Variants in FBN2 observed in about 807,000 individuals in gnomAD.
FBN2 encodes fibrillin-2.
In FBN2, 105 loss-of-function variants were observed where a neutral mutation model predicts 355.6. That is an observed-to-expected ratio of 0.30 (90% CI 0.25 to 0.35). The LOEUF (loss-of-function observed/expected upper bound fraction) is 0.35, where lower values mean the gene tolerates loss of function less well. Among genes scored for constraint, FBN2 ranks in the 10% least tolerant of loss-of-function variants. FBN2 has a pLI of 1.00. For synonymous variants in FBN2, 1,350 were observed against 1,301.2 expected, an observed-to-expected ratio of 1.04 and a Z score of -0.81; for missense variants, 3,280 against 3,758.7, an observed-to-expected ratio of 0.87 and a Z score of 3.33.
In FBN2 at chr5:128,334,792, C is replaced by CTCACA. The variant is rs1750791754; in HGVS notation, c.4021_4025dup (p.Glu1342AspfsTer19). 1 of 1,613,198 alleles carries CTCACA rather than the reference C, an allele frequency of 6.2e-7. No homozygotes were observed. Among genetic ancestry groups the CTCACA allele is most frequent in the Non-Finnish European group, 8.5e-7 (1 of 1,179,222 alleles). On this transcript the variant is annotated frameshift_variant, in exon 31 of 65. Coordinates refer to ENST00000262464, the MANE Select transcript of FBN2 (RefSeq NM_001999.4). LOFTEE classifies it high-confidence loss of function. Reference sequence around the variant, plus strand: ...GGCAAATGAAGGATCCCTTTGTGTTCTCACATTCCCCAAACATGCAGATAT... The same window carrying CTCACA: ...GGCAAATGAAGGATCCCTTTGTGTTCTCACATCACATTCCCCAAACATGCAGATAT...
rs114416488 is a variant in FBN2 at position 128,350,689 on chromosome 5, C to T, written c.2812+179G>A. On this transcript the variant is annotated intron_variant, in intron 21 of 64. Coordinates refer to ENST00000262464, the MANE Select transcript of FBN2 (RefSeq NM_001999.4). ...ATATTTAGAAGGCCTGCTTATGTACCAGGATAAAACAAATACACATTTTAA... is the reference window on the plus strand; with the variant it reads ...ATATTTAGAAGGCCTGCTTATGTACTAGGATAAAACAAATACACATTTTAA... Among the ~76,000 whole-genome samples, 837 of 152,260 alleles carry T rather than the reference C, an allele frequency of 5.5e-3. 3 individuals carry two copies. The highest frequency in any genetic ancestry group is 8.0e-3 in the Non-Finnish European group (546 of 68,030).
At chr5:128,519,641 GA>G (rs1208503566) in intron 4 of FBN2, among the ~76,000 whole-genome samples, 1 of 151,194 alleles carries the variant, frequency 6.6e-6, no homozygotes, top group Non-Finnish European at 1.5e-5. Context: ...TTTTTAATCA[GA>G]ATCATATTCG....
At chr5:128,439,173 T>C (rs948560665) in intron 7 of FBN2, among the ~76,000 whole-genome samples, 1 of 152,088 alleles carries the variant, frequency 6.6e-6, no homozygotes, top group Non-Finnish European at 1.5e-5. Context: ...TATTTTGCTA[T>C]TACAAAAAAA....
chr5:128,282,958 T>C (rs1475081280), intron 55 of FBN2, among the ~76,000 whole-genome samples: 1 of 152,162 alleles, frequency 6.6e-6, no homozygotes. Flanking sequence ...CCGTCAACAA[T>C]CCTACTATAC....
intron 48 of FBN2, among the ~76,000 whole-genome samples, chr5:128,294,285 C>T (rs1244656165): frequency 1.3e-5 from 2 of 151,840 alleles, no homozygotes; most frequent in African/African-American, 2.4e-5. Flanking sequence ...GTGAATAATG[C>T]CGCAATAAAC....
Position 128,305,649 on chromosome 5 carries a change from C to T in FBN2, c.5549-13G>A, listed in dbSNP as rs1284522627. 1 of 1,613,896 alleles carries T rather than the reference C, an allele frequency of 6.2e-7. No homozygotes were observed. The highest frequency in any genetic ancestry group is 8.5e-7 in the Non-Finnish European group (1 of 1,179,834). Reference sequence around the variant, plus strand: ...CACTCATCTATATCTGAAAGAGCAACAATTCCATTTTAAAGAGTCCTTTTT... The same window carrying T: ...CACTCATCTATATCTGAAAGAGCAATAATTCCATTTTAAAGAGTCCTTTTT... On this transcript the variant is annotated splice_polypyrimidine_tract_variant and intron_variant, in intron 43 of 64. Transcript: ENST00000262464.
intron 62 of FBN2, among the ~76,000 whole-genome samples, chr5:128,268,741 A>G (rs915426955): frequency 2.0e-5 from 3 of 152,190 alleles, no homozygotes; most frequent in African/African-American, 7.2e-5. Context: ...CAATAAACAC[A>G]ATCCATCAAA....
chr5:128,349,568 C>T (rs1398067937), intron 22 of FBN2, 96 bp from the exon 23 acceptor site: 2 of 1,335,028 alleles, frequency 1.5e-6, no homozygotes, highest in African/African-American at 2.9e-5. Context: ...AATCCACATT[C>T]AATACAATGT....
chr5:128,410,904 C>A (rs1284870393), intron 7 of FBN2, among the ~76,000 whole-genome samples: 1 of 152,128 alleles, frequency 6.6e-6, no homozygotes, highest in Non-Finnish European at 1.5e-5. Flanking sequence ...GCTTTTAATT[C>A]ATTTTTGGGC....
chr5:128,458,701 G>A (rs148724790), intron 6 of FBN2, among the ~76,000 whole-genome samples: 1 of 152,016 alleles, frequency 6.6e-6, no homozygotes, highest in African/African-American at 2.4e-5. Flanking sequence ...AATGACTCCT[G>A]GGTAAATACT....
At chr5:128,317,207 AGT>A (rs1018664479) in intron 36 of FBN2, among the ~76,000 whole-genome samples, 1 of 152,104 alleles carries the variant, frequency 6.6e-6, no homozygotes, top group African/African-American at 2.4e-5. Context: ...AACCACCTCC[AGT>A]GCCAATTCTG....
intron 59 of FBN2, among the ~76,000 whole-genome samples, chr5:128,275,220 T>G (rs998172922): frequency 5.3e-5 from 8 of 152,126 alleles, no homozygotes; most frequent in African/African-American, 1.4e-4. Flanking sequence ...AACTCAAAAT[T>G]TGATTTTGGC....
chr5:128,477,083 G>A (rs1476723694), intron 5 of FBN2, among the ~76,000 whole-genome samples: 1 of 152,168 alleles, frequency 6.6e-6, no homozygotes, highest in Admixed American at 6.5e-5. Flanking sequence ...TTTAAATCAT[G>A]TATAGCTGTG....
At chr5:128,500,605 C>T (rs1477782430) in intron 5 of FBN2, among the ~76,000 whole-genome samples, 1 of 151,732 alleles carries the variant, frequency 6.6e-6, no homozygotes, top group Non-Finnish European at 1.5e-5. Context: ...CCACCGCACC[C>T]GGCTAATTTT....
chr5:128,393,097 A>ATTGT (rs1752561048), intron 10 of FBN2, 38 bp downstream of exon 10: 1 of 1,459,512 alleles, frequency 6.9e-7, no homozygotes, highest in Admixed American at 1.7e-5. Context: ...CACTTGAGGC[A>ATTGT]GGAAACTAAA....
At chr5:128,370,052 G>T (rs1427918933) in intron 15 of FBN2, among the ~76,000 whole-genome samples, 1 of 152,170 alleles carries the variant, frequency 6.6e-6, no homozygotes, top group Non-Finnish European at 1.5e-5. Flanking sequence ...TGAATATCCA[G>T]TGCCTGAGTT....
intron 6 of FBN2, among the ~76,000 whole-genome samples, chr5:128,464,011 G>A (rs954268347): frequency 5.3e-5 from 8 of 152,166 alleles, no homozygotes; most frequent in African/African-American, 1.9e-4. Flanking sequence ...TAAGACATTT[G>A]ATATCAGAGA....
chr5:128,470,298 A>T (rs972704777), intron 5 of FBN2, among the ~76,000 whole-genome samples: 2 of 152,186 alleles, frequency 1.3e-5, no homozygotes, highest in Non-Finnish European at 2.9e-5. Flanking sequence ...TTAGCAAGAG[A>T]TCTTCTGGTG....
intron 7 of FBN2, among the ~76,000 whole-genome samples, chr5:128,444,695 G>T (rs1364786122): frequency 6.6e-6 from 1 of 152,214 alleles, no homozygotes; most frequent in Non-Finnish European, 1.5e-5. Flanking sequence ...TAGGCAAGTG[G>T]TGAATAAAGA....
Sources: allele counts gnomAD v4.1 joint callset (sites outside exome capture counted in the v4.1 genomes callset), GRCh38; gene constraint gnomAD v4.1.1; transcripts MANE v1.5; gene names NCBI Gene and HGNC (gene_info 2026-07-23, HGNC 2026-07-21).